Variants in TOPBP1 observed in about 807,000 individuals in gnomAD.
The protein encoded by TOPBP1 is DNA topoisomerase 2-binding protein 1.
In TOPBP1, 28 loss-of-function variants were observed where a neutral mutation model predicts 167.7. The ratio of observed to expected loss-of-function variants is 0.17; its 90% CI spans 0.12 to 0.23. TOPBP1 has a LOEUF of 0.23. Among genes scored for constraint, TOPBP1 ranks in the 10% least tolerant of loss-of-function variants. TOPBP1 has a pLI of 1.00. For missense variants in TOPBP1, 1,554 were observed against 1,809.6 expected, an observed-to-expected ratio of 0.86 and a Z score of 2.56; for synonymous variants, 598 against 611.4, an observed-to-expected ratio of 0.98 and a Z score of 0.32.
intron 4 of TOPBP1, among the ~76,000 whole-genome samples, chr3:133,657,200 C>T (rs1404001829): frequency 2.0e-5 from 3 of 150,680 alleles, no homozygotes; most frequent in African/African-American, 7.3e-5. Context: ...TATTTTTAGC[C>T]AGGCTTGGTG....
chr3:133,624,060 G>T lies in TOPBP1; in HGVS notation c.2920C>A (p.Leu974Ile). 6.2e-7 allele frequency: 1 copy of T among 1,612,470 alleles called. No homozygotes were observed. The highest frequency in any genetic ancestry group is 1.7e-4 in the Middle Eastern group (1 of 6,052). The change falls in exon 17 of 28, where the codon CTT becomes ATT. Residue 974 changes from leucine to isoleucine, a missense_variant. Leu to Ile is a conservative substitution (Grantham distance 5). Around this residue, in one of 3 missense-constraint regions of TOPBP1, gnomAD observed 1,197 missense variants for 1,351.5 expected, o/e 0.89. Coordinates refer to ENST00000260810, the MANE Select transcript of TOPBP1 (RefSeq NM_007027.4). ...AAAAAAGCACTGCTTACATCTAAAA[G>T]CCAGTGCTCGGAAACAATGTGTACT... ...RGVHIVSEHW[L>I]LDCAQECKHL...
intron 3 of TOPBP1, among the ~76,000 whole-genome samples, chr3:133,658,403 G>T (rs1277539569): frequency 6.6e-6 from 1 of 151,982 alleles, no homozygotes; most frequent in Non-Finnish European, 1.5e-5. Context: ...GGAGGCGGAG[G>T]TTGCAGTGAG....
chr3:133,654,029 G>C (rs186244101), intron 6 of TOPBP1, among the ~76,000 whole-genome samples: 1 of 152,262 alleles, frequency 6.6e-6, no homozygotes, highest in African/African-American at 2.4e-5. Flanking sequence ...TAGTATTTTA[G>C]CTTATTGCCT....
At position 133,643,331 on chromosome 3, in the gene TOPBP1, C is replaced by A; in HGVS notation, c.1890G>T (p.Ser630=). ...CTGGAACTGGTGTGAAGAGAGGATT[C>A]GACTTTGGATCAAACAAAGTCTGAT... The part of the protein sequence containing the change: ...IDYQTLFDPK[S]NPLFTPVPVM... The change falls in exon 12 of 28, where the codon TCG becomes TCT. Residue 630 remains serine, a synonymous_variant. Coordinates refer to ENST00000260810, the MANE Select transcript of TOPBP1 (RefSeq NM_007027.4). 6.2e-7 allele frequency: 1 copy of A among 1,608,526 alleles called. No individual in the cohort carries two copies. The highest frequency in any genetic ancestry group is 1.3e-5 in the African/African-American group (1 of 74,672).
intron 27 of TOPBP1, among the ~76,000 whole-genome samples, chr3:133,604,028 G>GA (rs534258893): frequency 2.5e-4 from 38 of 149,882 alleles, no homozygotes; most frequent in South Asian, 2.3e-3. Flanking sequence ...TAAAAAGATA[G>GA]AAAAAAAAAT....
intron 11 of TOPBP1, 38 bp from the exon 12 acceptor site, chr3:133,643,410 A>G: frequency 6.6e-7 from 1 of 1,523,502 alleles, no homozygotes; most frequent in Non-Finnish European, 8.8e-7. Context: ...CCAACCTGAA[A>G]TAAGCAACCA....
At position 133,655,889 on chromosome 3, in the gene TOPBP1, A is replaced by G. The variant is rs146419832; in HGVS notation, c.546-403T>C. 3.2e-3 allele frequency among the ~76,000 whole-genome samples: 489 copies of G among 152,290 alleles called. 3 individuals are homozygous for G. Among genetic ancestry groups the G allele is most frequent in the South Asian group, 7.2e-3 (35 of 4,830 alleles). On this transcript the variant is annotated intron_variant, in intron 5 of 27. Transcript: ENST00000260810. Reference sequence around the variant, plus strand: ...TAAAAGCAATGATTTTTGGCAAAATACCAACAAAAATATCATTATTCTGTT... The same window carrying G: ...TAAAAGCAATGATTTTTGGCAAAATGCCAACAAAAATATCATTATTCTGTT...
At chr3:133,637,001 G>C (rs1048995658) in intron 14 of TOPBP1, among the ~76,000 whole-genome samples, 1 of 151,936 alleles carries the variant, frequency 6.6e-6, no homozygotes, top group Non-Finnish European at 1.5e-5. Context: ...AAAAATAAAG[G>C]CATAAATTAG....
At chr3:133,602,091 T>C (rs1056555842) in intron 27 of TOPBP1, among the ~76,000 whole-genome samples, 8 of 152,146 alleles carry the variant, frequency 5.3e-5, no homozygotes, top group African/African-American at 1.4e-4. Context: ...AAAGGAACAA[T>C]AGAACCTAGA....
intron 8 of TOPBP1, 93 bp from the exon 9 acceptor site, chr3:133,650,036 A>C: frequency 9.3e-7 from 1 of 1,078,782 alleles, no homozygotes; most frequent in Non-Finnish European, 1.3e-6. Context: ...TGTATAAATA[A>C]GACAACTTGT....
At chr3:133,636,587 G>C (rs1935686040) in intron 14 of TOPBP1, among the ~76,000 whole-genome samples, 1 of 152,082 alleles carries the variant, frequency 6.6e-6, no homozygotes, top group South Asian at 2.1e-4. Flanking sequence ...AGAACTATCA[G>C]CTTTCCACTG....
At chr3:133,609,415 A>G (rs1014022921) in intron 25 of TOPBP1, among the ~76,000 whole-genome samples, 3 of 152,206 alleles carry the variant, frequency 2.0e-5, no homozygotes, top group African/African-American at 7.2e-5. Flanking sequence ...ATCATGGCTA[A>G]TAAGGATTTG....
chr3:133,643,193 T>C lies in TOPBP1; in HGVS notation c.2021+7A>G. On this transcript the variant is annotated splice_region_variant and intron_variant, in intron 12 of 27. Coordinates refer to ENST00000260810, the MANE Select transcript of TOPBP1 (RefSeq NM_007027.4). The stretch of plus-strand genomic sequence containing the variant: ...AATACAACAGGTGCATTAAAAATAT[T>C]ACATACCTTGCTCCAAGGAGGTTTG... The C allele has an allele frequency of 2.5e-6, 4 of 1,572,856 alleles. No homozygotes were observed. The South Asian group carries it at 3.6e-5, about 14-fold the overall frequency.
chr3:133,608,023 T>C (rs1934546400), intron 27 of TOPBP1, among the ~76,000 whole-genome samples: 1 of 152,220 alleles, frequency 6.6e-6, no homozygotes, highest in African/African-American at 2.4e-5. Flanking sequence ...GCCTGCTGAC[T>C]CCTGATGGCC....
rs202000937 is a variant in TOPBP1 at position 133,640,113 on chromosome 3, A to T, written c.2079T>A (p.Thr693=). 6.2e-7 allele frequency: 1 copy of T among 1,613,802 alleles called. No homozygotes were observed. Among genetic ancestry groups the T allele is most frequent in the Non-Finnish European group, 8.5e-7 (1 of 1,179,834 alleles). Residue 693 remains threonine (T), a synonymous_variant, in exon 13 of 28, where the codon ACT becomes ACA. Coordinates refer to ENST00000260810, the MANE Select transcript of TOPBP1 (RefSeq NM_007027.4). ...CACCACGTTCTTTCAGTATAAGATGAGTACTGGCAAACATGCCTTTCTTTG... is the reference window on the plus strand; with the variant it reads ...CACCACGTTCTTTCAGTATAAGATGTGTACTGGCAAACATGCCTTTCTTTG... ...SNAKKGMFAS[T]HLILKERGGS...
At chr3:133,643,134 C>G (rs1935950532) in intron 12 of TOPBP1, 66 bp downstream of exon 12, 2 of 1,407,554 alleles carry the variant, frequency 1.4e-6, no homozygotes, top group Non-Finnish European at 1.9e-6. Flanking sequence ...TTTGAATGCT[C>G]TCCAAGAAGT....
At position 133,620,244 on chromosome 3, in the gene TOPBP1, A is replaced by G. The variant is rs564850985; in HGVS notation, c.3282T>C (p.Leu1094=). The change falls in exon 20 of 28, where the codon CTT becomes CTC. Residue 1094 remains leucine (L), a synonymous_variant. Transcript: ENST00000260810. ...ATGCGCTGTTACAACCACTTCTTGAAAGGGAAGTCCTCTGCCCTTGGGGTT... is the reference window on the plus strand; with the variant it reads ...ATGCGCTGTTACAACCACTTCTTGAGAGGGAAGTCCTCTGCCCTTGGGGTT... ...IVKPQGQRTS[L]SRSGCNSASS... The G allele has an allele frequency of 1.9e-6, 3 of 1,613,930 alleles. No individual in the cohort carries two copies. The South Asian group carries it at 3.3e-5, about 18-fold the overall frequency.
intron 14 of TOPBP1, among the ~76,000 whole-genome samples, chr3:133,633,602 G>A (rs908327857): frequency 6.6e-6 from 1 of 152,148 alleles, no homozygotes; most frequent in Admixed American, 6.6e-5. Context: ...GCCAGTCTGA[G>A]CAATGTGGTA....
intron 23 of TOPBP1, 42 bp downstream of exon 23, chr3:133,616,772 T>C: frequency 1.7e-6 from 2 of 1,168,450 alleles, no homozygotes; most frequent in Non-Finnish European, 2.4e-6. Context: ...CCAAATATGG[T>C]TATTATATGG....
Sources: gnomAD v4.1 joint callset for allele counts (sites outside exome capture counted in the v4.1 genomes callset) on GRCh38, gnomAD v4.1.1 for gene constraint, gnomAD v4.1.1 regional missense constraint, MANE v1.5 for transcripts, NCBI Gene and HGNC (gene_info 2026-07-23, HGNC 2026-07-21) for gene names.